Variants in MOGS observed in about 807,000 individuals in gnomAD.
The protein encoded by MOGS is epididymis secretory sperm binding protein.
In MOGS, 45 loss-of-function variants were observed where a neutral mutation model predicts 68.5. That is an observed-to-expected ratio of 0.66 (90% CI 0.52 to 0.84). The LOEUF (loss-of-function observed/expected upper bound fraction) is 0.84. MOGS is among the 40% of genes least tolerant of loss of function. The pLI, the probability that MOGS is intolerant of heterozygous loss-of-function variation, is 0.00. For synonymous variants in MOGS, 492 were observed against 461.2 expected, an observed-to-expected ratio of 1.07 and a Z score of -0.86; for missense variants, 1,020 against 1,095.0, an observed-to-expected ratio of 0.93 and a Z score of 0.97.
chr2:74,463,717 G>A (rs1233675062), intron 2 of MOGS: 2 of 255,418 alleles, frequency 7.8e-6, no homozygotes, highest in African/African-American at 2.6e-5. Flanking sequence ...AGGCTGGAGT[G>A]CAGTGGCGCG....
chr2:74,463,310 G>C lies in MOGS; in HGVS notation c.656C>G (p.Pro219Arg). Residue 219 changes from proline to arginine, a missense_variant, in exon 3 of 4, where the codon CCA becomes CGA. By Grantham distance (103) the Pro-to-Arg change is moderately radical. This residue lies in a region of MOGS where 569 missense variants were observed against 571.9 expected (regional missense o/e 0.99). Transcript: ENST00000448666. ...CAACTGCCCCTTGGCCCCAACCTCT[G>C]GTAGTAGGACTTCCTTGCCATCTGT... Reference protein sequence around the residue: ...VVTDGKEVLLPEVGAKGQLKF... With the variant: ...VVTDGKEVLLREVGAKGQLKF... 1 of 1,614,204 alleles carries C rather than the reference G, an allele frequency of 6.2e-7. No homozygotes were observed. Among genetic ancestry groups the C allele is most frequent in the Non-Finnish European group, 8.5e-7 (1 of 1,180,044 alleles).
intron 1 of MOGS, 55 bp downstream of exon 1, chr2:74,464,841 G>C: frequency 6.3e-7 from 1 of 1,576,098 alleles, no homozygotes; most frequent in Non-Finnish European, 8.6e-7. Context: ...CTCGCTTCAA[G>C]CTGGGGCGCC....
rs764667482 is a variant in MOGS at position 74,465,045 on chromosome 2, G to A, written c.203C>T (p.Ala68Val). 11 of 1,555,176 alleles carry A rather than the reference G, an allele frequency of 7.1e-6. No individual in the cohort carries two copies. The highest frequency in any genetic ancestry group is 3.5e-5 in the South Asian group (3 of 84,650). ...SGRWVLAWYR[A>V]RRAVTLHSAP... ...GGAGTGCAGCGTGACCGCCCGCCGC[G>A]CACGGTACCACGCCAGCACCCAGCG... The change falls in exon 1 of 4, where the codon GCG becomes GTG. Residue 68 changes from alanine (A) to valine (V), a missense_variant. Physicochemically the swap from Ala to Val is moderately conservative, Grantham distance 64 (BLOSUM62 0). This residue lies in a region of MOGS where 569 missense variants were observed against 571.9 expected (regional missense o/e 0.99). Coordinates refer to ENST00000448666, the MANE Select transcript of MOGS (RefSeq NM_006302.3).
At chr2:74,464,165 G>A (rs990381125) in intron 2 of MOGS, among the ~76,000 whole-genome samples, 3 of 150,142 alleles carry the variant, frequency 2.0e-5, no homozygotes, top group Non-Finnish European at 1.5e-5. Flanking sequence ...CTCCATTTTG[G>A]TCAGGCTGGT....
intron 2 of MOGS, chr2:74,463,788 C>G (rs1363533086): frequency 5.1e-6 from 1 of 196,972 alleles, no homozygotes; most frequent in Non-Finnish European, 1.1e-5. Flanking sequence ...CTCAGCCTCC[C>G]GAGTAGCTGC....
chr2:74,465,321 G>T lies in MOGS; in HGVS notation c.-74C>A. 1 of 1,133,076 alleles carries T rather than the reference G, an allele frequency of 8.8e-7. No individual in the cohort carries two copies. The highest frequency in any genetic ancestry group is 1.1e-6 in the Non-Finnish European group (1 of 874,122). 70.2% of individuals were successfully genotyped at this position (1,133,076 alleles called of 1,614,324 possible). On this transcript the variant is annotated 5_prime_UTR_variant, in exon 1 of 4. Transcript: ENST00000448666. ...GCCCGGGTCCTGCCTCACCTCTCCG[G>T]CTCCCGCCTCTCGCCCTGGCGACCA...
At chr2:74,464,384 T>G in intron 2 of MOGS, 112 bp downstream of exon 2, 1 of 964,074 alleles carries the variant, frequency 1.0e-6, no homozygotes, top group Non-Finnish European at 1.6e-6. Context: ...GGCAGTTGTT[T>G]AAGGCAGGAT....
intron 2 of MOGS, 143 bp from the exon 3 acceptor site, chr2:74,463,529 C>A: frequency 1.2e-6 from 1 of 860,158 alleles, no homozygotes. Flanking sequence ...TAATGAGGGT[C>A]ACTGAGGGTA....
In MOGS at chr2:74,462,296, AC is replaced by A; in HGVS notation, c.1492del (p.Val498CysfsTer6). ...QILGDEARAR[V>X]PPEFLVQRAV... ...TCGTTGTACTAGGAATTCTGGAGGC[AC>A]CCGGGCTCGGGCCTCATCCCCCAGT... is the stretch of plus-strand genomic sequence containing the variant. On this transcript the variant is annotated frameshift_variant, in exon 4 of 4. Transcript: ENST00000448666. LOFTEE classifies it high-confidence loss of function. The A allele has an allele frequency of 6.2e-7, 1 of 1,613,690 alleles. No individual in the cohort carries two copies. Among genetic ancestry groups the A allele is most frequent in the Non-Finnish European group, 8.5e-7 (1 of 1,179,980 alleles).
Position 74,465,012 on chromosome 2 carries a change from G to A in MOGS, c.236C>T (p.Pro79Leu). Reference sequence around the variant, plus strand: ...GCTGGAGGAGTCGGCAGGCAACACAGGAGGCGCGGAGTGCAGCGTGACCGC... The same window carrying A: ...GCTGGAGGAGTCGGCAGGCAACACAAGAGGCGCGGAGTGCAGCGTGACCGC... ...RRAVTLHSAP[P>L]VLPADSSSPA... The change falls in exon 1 of 4, where the codon CCT (proline) becomes CTT (leucine). Residue 79 changes from proline to leucine, a missense_variant. Physicochemically the swap from Pro to Leu is moderately conservative, Grantham distance 98 (BLOSUM62 -3). This residue lies in a region of MOGS where 569 missense variants were observed against 571.9 expected (regional missense o/e 0.99). Transcript: ENST00000448666. 1.3e-6 allele frequency: 2 copies of A among 1,554,926 alleles called. No individual in the cohort carries two copies. The highest frequency in any genetic ancestry group is 1.7e-6 in the Non-Finnish European group (2 of 1,149,502).
In MOGS at chr2:74,465,058, C is replaced by A. The variant is rs1162343465; in HGVS notation, c.190G>T (p.Ala64Ser). The A allele has an allele frequency of 1.3e-6, 2 of 1,555,666 alleles. No homozygotes were observed. Among genetic ancestry groups the A allele is most frequent in the Non-Finnish European group, 1.7e-6 (2 of 1,151,124 alleles). Residue 64 changes from alanine to serine, a missense_variant, in exon 1 of 4, where the codon GCG becomes TCG. Ala to Ser is a moderately conservative substitution (Grantham distance 99, BLOSUM62 1). Transcript: ENST00000448666. ...ACCGCCCGCCGCGCACGGTACCACG[C>A]CAGCACCCAGCGCCCCGACATACCC... ...ALGMSGRWVL[A>S]WYRARRAVTL...
rs1237813475 is a variant in MOGS, at chr2:74,465,254, A to G, written c.-7T>C. On this transcript the variant is annotated 5_prime_UTR_variant, in exon 1 of 4. Transcript: ENST00000448666. The stretch of plus-strand genomic sequence containing the variant: ...GCCGCTCGCCCCGAGCCATCCTGGC[A>G]CTGAGGTCCGCGTCACAAGAGCTCG... The G allele has an allele frequency of 7.0e-6, 10 of 1,433,036 alleles. No individual in the cohort carries two copies. The allele number at this position is 1,433,036 out of a possible 1,614,324, so 88.8% of individuals were successfully genotyped here. A position where few individuals can be genotyped will look rare whatever the true frequency, so the allele number is the denominator to read the frequency against.
In MOGS at chr2:74,461,146, G is replaced by C; in HGVS notation, c.*129C>G. On this transcript the variant is annotated 3_prime_UTR_variant, in exon 4 of 4. Coordinates refer to ENST00000448666, the MANE Select transcript of MOGS (RefSeq NM_006302.3). ...GGGCTATGTGGGATGACAGCAAGGA[G>C]ACACCTGAGATGAAATGAGGAAGGT... 1 of 1,008,254 alleles carries C rather than the reference G, an allele frequency of 9.9e-7. No individual in the cohort carries two copies. The highest frequency in any genetic ancestry group is 1.5e-6 in the Non-Finnish European group (1 of 662,396). The allele number at this position is 1,008,254 out of a possible 1,614,324, so 62.5% of individuals were successfully genotyped here.
Position 74,462,791 on chromosome 2 carries a change from T to C in MOGS, c.998A>G (p.Glu333Gly). ...GGCACTGCCTGATTCAAACACAAAC[T>C]CTATGGAAATGGGAATTTTCAGGGT... The part of the protein sequence containing the change: ...QVTLKIPISI[E>G]FVFESGSAQA... Residue 333 changes from glutamate to glycine, a missense_variant, in exon 4 of 4, where the codon GAG becomes GGG. Around this residue, in one of 3 missense-constraint regions of MOGS, gnomAD observed 569 missense variants for 571.9 expected, o/e 0.99. Coordinates refer to ENST00000448666, the MANE Select transcript of MOGS (RefSeq NM_006302.3). The C allele has an allele frequency of 1.2e-6, 2 of 1,614,140 alleles. No individual in the cohort carries two copies. The highest frequency in any genetic ancestry group is 4.5e-5 in the East Asian group (2 of 44,872).
Position 74,463,369 on chromosome 2 carries a change from G to T in MOGS, c.597C>A (p.Ala199=). The change falls in exon 3 of 4, where the codon GCC becomes GCA. Residue 199 remains alanine, a synonymous_variant. Coordinates refer to ENST00000448666, the MANE Select transcript of MOGS (RefSeq NM_006302.3). ...AGAAGAACAGGGAGACCAAAGGGAG[G>T]GCAGAAGTACCTGAGTCCTGAGTGA... ...TVEPQDSGTS[A]LPLVSLFFYV... The T allele has an allele frequency of 6.2e-7, 1 of 1,614,134 alleles. No homozygotes were observed. Among genetic ancestry groups the T allele is most frequent in the East Asian group, 2.2e-5 (1 of 44,884 alleles).
chr2:74,461,124 C>A lies in MOGS; in HGVS notation c.*151G>T, dbSNP rs1480568917. On this transcript the variant is annotated 3_prime_UTR_variant, in exon 4 of 4. Coordinates refer to ENST00000448666, the MANE Select transcript of MOGS (RefSeq NM_006302.3). ...CTCTGGATTCACATTCACCCCAGGG[C>A]TATGTGGGATGACAGCAAGGAGACA... is the stretch of plus-strand genomic sequence containing the variant. 3 of 832,788 alleles carry A rather than the reference C, an allele frequency of 3.6e-6. No individual in the cohort carries two copies. Among genetic ancestry groups the A allele is most frequent in the Non-Finnish European group, 5.9e-6 (3 of 509,268 alleles). The allele number at this position is 832,788 out of a possible 1,614,324, so 51.6% of individuals were successfully genotyped here.
In MOGS at chr2:74,463,172, T is replaced by C. The variant is rs766892909; in HGVS notation, c.776+18A>G. The C allele has an allele frequency of 6.2e-7, 1 of 1,613,938 alleles. No individual in the cohort carries two copies. On this transcript the variant is annotated intron_variant, in intron 3 of 3. Coordinates refer to ENST00000448666, the MANE Select transcript of MOGS (RefSeq NM_006302.3). Reference sequence around the variant, plus strand: ...TAACCACCCCTTCCATCCCCCAACATTCTTTTCCCCCAGTTACCTGCCATA... The same window carrying C: ...TAACCACCCCTTCCATCCCCCAACACTCTTTTCCCCCAGTTACCTGCCATA...
In MOGS at chr2:74,462,558, C is replaced by T; in HGVS notation, c.1231G>A (p.Val411Ile). 1.9e-6 allele frequency: 3 copies of T among 1,612,196 alleles called. No individual in the cohort carries two copies. Among genetic ancestry groups the T allele is most frequent in the Non-Finnish European group, 2.5e-6 (3 of 1,178,702 alleles). Residue 411 changes from valine to isoleucine, a missense_variant, in exon 4 of 4, where the codon GTA becomes ATA. Physicochemically the swap from Val to Ile is conservative, Grantham distance 29. This residue lies in a region of MOGS where 569 missense variants were observed against 571.9 expected (regional missense o/e 0.99). Transcript: ENST00000448666. ...CCTTCCACCCCGATGTCTGGCAATA[C>T]CAGCCCTTGTCCGTAGAAGTAGCCA... ...GIGYFYGQGL[V>I]LPDIGVEGSE... is the part of the protein sequence containing the mutation.
At position 74,462,678 on chromosome 2, in the gene MOGS, G is replaced by T. The variant is rs776830090; in HGVS notation, c.1111C>A (p.Arg371Ser). The T allele has an allele frequency of 1.2e-6, 2 of 1,614,090 alleles. No homozygotes were observed. The highest frequency in any genetic ancestry group is 1.3e-5 in the African/African-American group (1 of 74,944). The stretch of plus-strand genomic sequence containing the variant: ...TTCAGCTGGAAGGTCTTCTCAAAGC[G>T]CTCTCTAAAGCCTTCAGCATGGCTC... The part of the protein sequence containing the change: ...LESHAEGFRE[R>S]FEKTFQLKEK... Residue 371 changes from arginine to serine, a missense_variant, in exon 4 of 4, where the codon CGC (arginine) becomes AGC (serine). Around this residue, in one of 3 missense-constraint regions of MOGS, gnomAD observed 569 missense variants for 571.9 expected, o/e 0.99. Transcript: ENST00000448666.
Sources: allele counts gnomAD v4.1 joint callset (sites outside exome capture counted in the v4.1 genomes callset), GRCh38; gene constraint gnomAD v4.1.1; regional missense constraint gnomAD v4.1.1; transcripts MANE v1.5; gene names NCBI Gene and HGNC (gene_info 2026-07-23, HGNC 2026-07-21).